Variants in DPYSL3 observed in about 807,000 individuals in gnomAD.
DPYSL3 encodes the protein dihydropyrimidinase-related protein 3.
Under a neutral mutation model 66.1 loss-of-function variants are expected in DPYSL3, and 16 were observed. That is an observed-to-expected ratio of 0.24 (90% CI 0.16 to 0.37). The LOEUF is 0.37. Among genes scored for constraint, DPYSL3 ranks in the 10% least tolerant of loss-of-function variants. The probability of loss-of-function intolerance (pLI) is 1.00; values close to 1 mark genes in which losing one functional copy is unlikely to be tolerated. For synonymous variants in DPYSL3, 338 were observed against 345.1 expected (o/e 0.98, Z 0.23); for missense variants, 738 against 916.2 (o/e 0.81, Z 2.51).
At chr5:147,422,684 A>C (rs1365061067) in intron 2 of DPYSL3, among the ~76,000 whole-genome samples, 1 of 152,156 alleles carries the variant, frequency 6.6e-6, no homozygotes, top group Non-Finnish European at 1.5e-5. Flanking sequence ...AAAAAAAAGA[A>C]TGAGTTCATG....
intron 1 of DPYSL3, among the ~76,000 whole-genome samples, chr5:147,455,456 A>AG (rs1752833163): frequency 6.6e-6 from 1 of 152,208 alleles, no homozygotes; most frequent in South Asian, 2.1e-4. Flanking sequence ...GCAAAACACA[A>AG]GGGGGAATAA....
rs753017382 is a variant in DPYSL3 at position 147,401,572 on chromosome 5, A to C, written c.1278T>G (p.Thr426=). Residue 426 remains threonine (T), a synonymous_variant, in exon 9 of 14, where the codon ACT becomes ACG. Transcript: ENST00000343218. ...GCAAGGAGTTGATGTAGTCCGGAGT[A>C]GTTGGGTCAGGGCTCAGGGGTGGGG... The part of the protein sequence containing the change: ...VTSPPLSPDP[T]TPDYINSLLA... The C allele has an allele frequency of 9.9e-6, 16 of 1,613,496 alleles. No individual in the cohort carries two copies. The highest frequency in any genetic ancestry group is 4.0e-5 in the African/African-American group (3 of 74,900).
chr5:147,403,078 G>A lies in DPYSL3; in HGVS notation c.1154-1382C>T, dbSNP rs978391962. On this transcript the variant is annotated intron_variant, in intron 8 of 13. Coordinates refer to ENST00000343218, the MANE Select transcript of DPYSL3 (RefSeq NM_001197294.2). Reference sequence around the variant, plus strand: ...CCATTCAACTGGTAATAGTTGCCTAGAATTCCATGAAGGGAAAAATTCTAA... The same window carrying A: ...CCATTCAACTGGTAATAGTTGCCTAAAATTCCATGAAGGGAAAAATTCTAA... Among the ~76,000 whole-genome samples the A allele has an allele frequency of 6.6e-5, 10 of 152,106 alleles. 1 individual carries two copies. The highest frequency in any genetic ancestry group is 2.2e-4 in the African/African-American group (9 of 41,410).
intron 10 of DPYSL3, 76 bp from the exon 11 acceptor site, chr5:147,399,328 A>G (rs950156706): frequency 2.7e-6 from 4 of 1,486,246 alleles, no homozygotes; most frequent in African/African-American, 1.4e-5. Context: ...ACTCAGAGAA[A>G]GACAACCCAC....
At chr5:147,437,822 T>C (rs1476233221) in intron 1 of DPYSL3, among the ~76,000 whole-genome samples, 1 of 152,008 alleles carries the variant, frequency 6.6e-6, no homozygotes, top group Non-Finnish European at 1.5e-5. Flanking sequence ...GCGAGGAAAA[T>C]AATATCTTTT....
chr5:147,446,240 G>A (rs1752627393), intron 1 of DPYSL3, among the ~76,000 whole-genome samples: 1 of 152,160 alleles, frequency 6.6e-6, no homozygotes, highest in African/African-American at 2.4e-5. Flanking sequence ...ATCTGAGAGG[G>A]ATAATAAGGG....
At chr5:147,463,716 C>A (rs1391157735) in intron 1 of DPYSL3, among the ~76,000 whole-genome samples, 3 of 152,092 alleles carry the variant, frequency 2.0e-5, no homozygotes, top group Non-Finnish European at 4.4e-5. Flanking sequence ...GGGAACCGAC[C>A]AATGCTGATT....
At chr5:147,432,504 G>A (rs138836776) in intron 1 of DPYSL3, among the ~76,000 whole-genome samples, 1 of 152,318 alleles carries the variant, frequency 6.6e-6, no homozygotes, top group East Asian at 1.9e-4. Context: ...AATGGACTGT[G>A]GGGAGCACCC....
At chr5:147,489,794 A>T (rs1204911098) in intron 1 of DPYSL3, among the ~76,000 whole-genome samples, 1 of 151,664 alleles carries the variant, frequency 6.6e-6, no homozygotes, top group East Asian at 1.9e-4. Context: ...TAGACACTGG[A>T]GACTCCAAAA....
At chr5:147,506,441 G>A (rs922279584) in intron 1 of DPYSL3, among the ~76,000 whole-genome samples, 1 of 152,058 alleles carries the variant, frequency 6.6e-6, no homozygotes, top group African/African-American at 2.4e-5. Flanking sequence ...AAAAAATTAA[G>A]TAACATAATG....
intron 1 of DPYSL3, among the ~76,000 whole-genome samples, chr5:147,503,505 C>A (rs1212281533): frequency 6.6e-6 from 1 of 152,108 alleles, no homozygotes; most frequent in Non-Finnish European, 1.5e-5. Context: ...GTTGCCCAGT[C>A]TGGTCTCAAA....
chr5:147,427,303 C>A (rs1314451244), intron 1 of DPYSL3, among the ~76,000 whole-genome samples: 1 of 152,208 alleles, frequency 6.6e-6, no homozygotes, highest in African/African-American at 2.4e-5. Flanking sequence ...CCTGACTAAA[C>A]CAAAGACTCC....
chr5:147,430,984 T>C (rs563805710), intron 1 of DPYSL3, among the ~76,000 whole-genome samples: 10 of 152,302 alleles, frequency 6.6e-5, no homozygotes, highest in Admixed American at 2.6e-4. Context: ...TTTTGTTACC[T>C]GCATTAACAA....
At chr5:147,463,082 T>C (rs1216148696) in intron 1 of DPYSL3, among the ~76,000 whole-genome samples, 1 of 152,142 alleles carries the variant, frequency 6.6e-6, no homozygotes, top group Non-Finnish European at 1.5e-5. Context: ...TGAGAAATGC[T>C]GAAGGGCATA....
chr5:147,396,885 A>T (rs1290984714), intron 12 of DPYSL3, among the ~76,000 whole-genome samples: 3 of 141,684 alleles, frequency 2.1e-5, no homozygotes, highest in Admixed American at 7.3e-5. Context: ...ATATATATAT[A>T]GTGTGTGTAT....
chr5:147,444,739 A>G (rs1752599747), intron 1 of DPYSL3, among the ~76,000 whole-genome samples: 1 of 151,842 alleles, frequency 6.6e-6, no homozygotes, highest in African/African-American at 2.4e-5. Flanking sequence ...CATTTAGAAT[A>G]AAAACGAGTA....
intron 5 of DPYSL3, 75 bp downstream of exon 5, chr5:147,413,521 A>G: frequency 8.2e-7 from 1 of 1,221,334 alleles, no homozygotes; most frequent in Non-Finnish European, 1.2e-6. Flanking sequence ...GATTCATGTT[A>G]CAAGGGCCAA....
intron 1 of DPYSL3, among the ~76,000 whole-genome samples, chr5:147,476,023 T>C (rs775011390): frequency 4.7e-4 from 71 of 152,296 alleles, no homozygotes; most frequent in Non-Finnish European, 8.2e-4. Context: ...CTGAGGTTGA[T>C]ACTATTATTA....
At chr5:147,451,213 T>C (rs1383857635) in intron 1 of DPYSL3, among the ~76,000 whole-genome samples, 1 of 152,216 alleles carries the variant, frequency 6.6e-6, no homozygotes, top group Non-Finnish European at 1.5e-5. Context: ...TGCCATGCCC[T>C]TCCTTTTCAT....
Sources: gnomAD v4.1 joint callset for allele counts (sites outside exome capture counted in the v4.1 genomes callset) on GRCh38, gnomAD v4.1.1 for gene constraint, MANE v1.5 for transcripts, NCBI Gene and HGNC (gene_info 2026-07-23, HGNC 2026-07-21) for gene names.